The following ASIC2 variants were observed in gnomAD, a reference collection of about 807,000 sequenced individuals.
ASIC2 encodes the protein acid sensing ion channel subunit 2, also known as acid-sensing ion channel 2.
Under a neutral mutation model 57.3 loss-of-function variants are expected in ASIC2, and 25 were observed. The ratio of observed to expected loss-of-function variants is 0.44; its 90% CI spans 0.32 to 0.61. The LOEUF (loss-of-function observed/expected upper bound fraction) is 0.61. Among genes scored for constraint, ASIC2 ranks in the 20% least tolerant of loss-of-function variants. ASIC2 has a pLI of 0.06. For synonymous variants in ASIC2, 319 were observed against 307.5 expected (o/e 1.04, Z -0.39); for missense variants, 641 against 738.1 (o/e 0.87, Z 1.52).
Position 33,414,538 on chromosome 17 carries a change from G to T in ASIC2, c.556-302471C>A, listed in dbSNP as rs145273206. Among the ~76,000 whole-genome samples, 1,397 of 152,262 alleles carry T rather than the reference G, an allele frequency of 9.2e-3. 16 individuals carry two copies. The highest frequency in any genetic ancestry group is 0.018 in the South Asian group (89 of 4,814). ...GCAGCCACCGACTGGGCTTTACCTG[G>T]ACCTCTCTGGAGGGGGTCAAGGCCT... On this transcript the variant is annotated intron_variant, in intron 1 of 9. Transcript: ENST00000359872.
chr17:34,089,467 T>C (rs1334051217), intron 1 of ASIC2, among the ~76,000 whole-genome samples: 1 of 152,122 alleles, frequency 6.6e-6, no homozygotes, highest in Admixed American at 6.5e-5. Context: ...AATTACCTGG[T>C]TCTCATATAC....
chr17:33,922,865 A>G (rs1173705249), intron 1 of ASIC2, among the ~76,000 whole-genome samples: 1 of 152,126 alleles, frequency 6.6e-6, no homozygotes, highest in Non-Finnish European at 1.5e-5. Context: ...GGTGAGGATC[A>G]TGTTGATTTT....
At chr17:33,309,366 C>A (rs1906312481) in intron 1 of ASIC2, among the ~76,000 whole-genome samples, 1 of 152,164 alleles carries the variant, frequency 6.6e-6, no homozygotes, top group Non-Finnish European at 1.5e-5. Flanking sequence ...ATATTTCAAT[C>A]CATTTTTGAA....
At chr17:33,736,041 A>G (rs1909900018) in intron 1 of ASIC2, among the ~76,000 whole-genome samples, 1 of 152,120 alleles carries the variant, frequency 6.6e-6, no homozygotes, top group African/African-American at 2.4e-5. Flanking sequence ...TGTGTTGTCC[A>G]GAACATTTCT....
At chr17:33,370,395 G>C (rs970848040) in intron 1 of ASIC2, among the ~76,000 whole-genome samples, 2 of 152,228 alleles carry the variant, frequency 1.3e-5, no homozygotes, top group East Asian at 3.8e-4. Context: ...CAACAAATTA[G>C]CCTAGAACAT....
intron 1 of ASIC2, among the ~76,000 whole-genome samples, chr17:33,342,210 C>T (rs1907748571): frequency 6.6e-6 from 1 of 152,122 alleles, no homozygotes; most frequent in Non-Finnish European, 1.5e-5. Flanking sequence ...CCAGGAGGCT[C>T]CTCATAAGGA....
chr17:33,619,412 G>A (rs986167390), intron 1 of ASIC2, among the ~76,000 whole-genome samples: 1 of 151,984 alleles, frequency 6.6e-6, no homozygotes, highest in Non-Finnish European at 1.5e-5. Flanking sequence ...GGTTTTAAGG[G>A]GAAAAAAGGT....
intron 1 of ASIC2, among the ~76,000 whole-genome samples, chr17:33,503,654 G>A (rs1362220270): frequency 6.6e-6 from 1 of 152,122 alleles, no homozygotes; most frequent in African/African-American, 2.4e-5. Context: ...ACCTCTTGGA[G>A]CTCAGTGAGT....
chr17:33,829,573 A>C (rs943283990), intron 1 of ASIC2, among the ~76,000 whole-genome samples: 3 of 148,818 alleles, frequency 2.0e-5, no homozygotes, highest in Non-Finnish European at 3.0e-5. Context: ...ATTATGTTAA[A>C]CTTTTCTTTT....
chr17:33,495,473 T>C (rs1450479967), intron 1 of ASIC2, among the ~76,000 whole-genome samples: 1 of 152,208 alleles, frequency 6.6e-6, no homozygotes, highest in East Asian at 1.9e-4. Flanking sequence ...TCTTTGACTT[T>C]ATTTTTCTCA....
intron 1 of ASIC2, among the ~76,000 whole-genome samples, chr17:33,773,035 G>A (rs1448893720): frequency 1.3e-5 from 2 of 152,142 alleles, no homozygotes; most frequent in East Asian, 3.9e-4. Flanking sequence ...GATGAAGAGG[G>A]TACACACAAG....
intron 1 of ASIC2, among the ~76,000 whole-genome samples, chr17:33,218,013 T>G (rs1204068693): frequency 6.6e-6 from 1 of 152,250 alleles, no homozygotes; most frequent in African/African-American, 2.4e-5. Context: ...AGCCTTGTGA[T>G]ATTTCTGTAT....
chr17:33,756,474 C>T (rs1452518781), intron 1 of ASIC2, among the ~76,000 whole-genome samples: 1 of 152,226 alleles, frequency 6.6e-6, no homozygotes, highest in East Asian at 1.9e-4. Flanking sequence ...AGCTCCAACT[C>T]AATTTTTTGA....
rs1905499136 is a variant in ASIC2 at position 33,292,088 on chromosome 17, G to A, written c.28C>T (p.Pro10Ser). The part of the protein sequence containing the change: MSRIGGAGL[P>S]AAALTGPGRF... ...CCCGGGCCGGTGAGCGCGGCTGCGG[G>A]CAGCCCGGCTCCGCCAATCCGGCTC... Residue 10 changes from proline to serine, a missense_variant, in exon 1 of 10, where the codon CCC becomes TCC. Pro to Ser is a moderately conservative substitution (Grantham distance 74, BLOSUM62 -1). This residue lies in a region of ASIC2 where 382 missense variants were observed against 398.0 expected (regional missense o/e 0.96). Transcript: ENST00000225823. 1.9e-6 allele frequency: 2 copies of A among 1,052,434 alleles called. No individual in the cohort carries two copies. Among genetic ancestry groups the A allele is most frequent in the South Asian group, 4.4e-5 (1 of 22,538 alleles). 65.2% of individuals were successfully genotyped at this position (1,052,434 alleles called of 1,614,324 possible). A position where few individuals can be genotyped will look rare whatever the true frequency, so the allele number is the denominator to read the frequency against.
intron 1 of ASIC2, among the ~76,000 whole-genome samples, chr17:34,095,629 AAT>A (rs1910497409): frequency 2.5e-5 from 2 of 80,792 alleles, no homozygotes; most frequent in Admixed American, 1.4e-4. Flanking sequence ...ATATATATAT[AAT>A]TTTATATATA....
At position 33,178,645 on chromosome 17, in the gene ASIC2, G is replaced by A. The variant is rs77914447; in HGVS notation, c.709-66578C>T. ...GCAGAGAAAACAGTGTGCAGTGGGC[G>A]TGCTATCTGAGTTCTAGGTGCATGA... On this transcript the variant is annotated intron_variant, in intron 1 of 9. Transcript: ENST00000225823. Among the ~76,000 whole-genome samples the A allele has an allele frequency of 2.9e-3, 440 of 152,300 alleles. 3 individuals carry two copies. The South Asian group carries it at 0.037, about 13-fold the overall frequency.
chr17:33,149,677 AT>A (rs1904707115), intron 1 of ASIC2, among the ~76,000 whole-genome samples: 1 of 152,216 alleles, frequency 6.6e-6, no homozygotes, highest in Non-Finnish European at 1.5e-5. Flanking sequence ...TCTCAGCAGC[AT>A]TTGACTTAAA....
intron 1 of ASIC2, among the ~76,000 whole-genome samples, chr17:33,220,287 T>C (rs1034917364): frequency 6.6e-6 from 1 of 152,208 alleles, no homozygotes; most frequent in African/African-American, 2.4e-5. Flanking sequence ...GGAAAGGCCT[T>C]CCTTCTATTG....
intron 1 of ASIC2, among the ~76,000 whole-genome samples, chr17:34,007,888 C>A (rs961057311): frequency 2.6e-5 from 4 of 152,146 alleles, no homozygotes; most frequent in African/African-American, 9.7e-5. Context: ...CTAAATACCC[C>A]CAATGAAAAT....
Sources: allele counts gnomAD v4.1 joint callset (sites outside exome capture counted in the v4.1 genomes callset), GRCh38; gene constraint gnomAD v4.1.1; regional missense constraint gnomAD v4.1.1; transcripts MANE v1.5; gene names NCBI Gene and HGNC (gene_info 2026-07-23, HGNC 2026-07-21).